Variants in DOCK3 observed in about 807,000 individuals in gnomAD.
The protein encoded by DOCK3 is dedicator of cytokinesis 3, also known as dedicator of cytokinesis protein 3.
In DOCK3, 60 loss-of-function variants were observed where a neutral mutation model predicts 265.6. The ratio of observed to expected loss-of-function variants is 0.23; its 90% CI spans 0.18 to 0.28. The LOEUF (loss-of-function observed/expected upper bound fraction) is 0.28. Ranked by LOEUF, DOCK3 falls within the 10% of genes least tolerant of loss-of-function variation. The pLI is 1.00. For synonymous variants in DOCK3, 881 were observed against 938.0 expected, an observed-to-expected ratio of 0.94 and a Z score of 1.11; for missense variants, 1,981 against 2,594.3, an observed-to-expected ratio of 0.76 and a Z score of 5.14.
intron 9 of DOCK3, among the ~76,000 whole-genome samples, chr3:51,097,440 G>T (rs1185966483): frequency 6.6e-6 from 1 of 152,186 alleles, no homozygotes; most frequent in Non-Finnish European, 1.5e-5. Context: ...CTCAGTAATG[G>T]TGGCTGGCCC....
chr3:51,007,368 T>A (rs2078724159), intron 5 of DOCK3, among the ~76,000 whole-genome samples: 2 of 152,256 alleles, frequency 1.3e-5, no homozygotes, highest in South Asian at 4.1e-4. Flanking sequence ...ATTTCTCTGA[T>A]GGCCAGTGAT....
At chr3:51,329,772 G>A (rs949115821) in intron 32 of DOCK3, among the ~76,000 whole-genome samples, 2 of 152,090 alleles carry the variant, frequency 1.3e-5, no homozygotes. Context: ...TGTATTTTAC[G>A]CATACAAATT....
At chr3:50,713,718 C>T (rs17659990) in intron 1 of DOCK3, among the ~76,000 whole-genome samples, 3,237 of 151,746 alleles carry the variant, frequency 0.021, 50 homozygotes, top group Middle Eastern at 0.051. Context: ...TACTAGATTT[C>T]GCCATTTGGA....
chr3:51,281,274 A>AATAT (rs56084027), intron 27 of DOCK3, among the ~76,000 whole-genome samples: 4,074 of 125,516 alleles, frequency 0.032, 66 homozygotes, highest in Non-Finnish European at 0.044. Flanking sequence ...GATGAGCTAA[A>AATAT]ATATATATAT....
chr3:50,987,497 T>G (rs2077945419), intron 5 of DOCK3, among the ~76,000 whole-genome samples: 1 of 152,220 alleles, frequency 6.6e-6, no homozygotes, highest in South Asian at 2.1e-4. Context: ...TTACTTTTTA[T>G]TACTTACTAT....
At chr3:51,067,806 C>A in intron 6 of DOCK3, among the ~76,000 whole-genome samples, 1 of 152,304 alleles carries the variant, frequency 6.6e-6, no homozygotes, top group East Asian at 1.9e-4. Context: ...TCTTTTAAAA[C>A]TTTTCTTCCT....
chr3:50,982,651 G>T lies in DOCK3; in HGVS notation c.315+48574G>T, dbSNP rs1389851877. 2.0e-5 allele frequency among the ~76,000 whole-genome samples: 3 copies of T among 152,236 alleles called. No homozygotes were observed. The East Asian group carries it at 5.8e-4, about 29-fold the overall frequency. On this transcript the variant is annotated intron_variant, in intron 5 of 52. Coordinates refer to ENST00000266037, the MANE Select transcript of DOCK3 (RefSeq NM_004947.5). Reference sequence around the variant, plus strand: ...GGAGGTGGAGCTGGGCCTGGGCAGTGCTAGGCTCCACGGAGCCAGCGGGAG... The same window carrying T: ...GGAGGTGGAGCTGGGCCTGGGCAGTTCTAGGCTCCACGGAGCCAGCGGGAG...
At chr3:50,694,303 A>T (rs886559870) in intron 1 of DOCK3, among the ~76,000 whole-genome samples, 1 of 152,118 alleles carries the variant, frequency 6.6e-6, no homozygotes, top group African/African-American at 2.4e-5. Context: ...AAATAAAAAG[A>T]ATGGTAAGAG....
intron 5 of DOCK3, among the ~76,000 whole-genome samples, chr3:50,953,004 A>G (rs959251268): frequency 6.6e-6 from 1 of 152,164 alleles, no homozygotes; most frequent in African/African-American, 2.4e-5. Flanking sequence ...TGTGACTCTT[A>G]TCTTCCTTAG....
chr3:50,821,717 G>C (rs2044443898), intron 2 of DOCK3, among the ~76,000 whole-genome samples: 1 of 152,160 alleles, frequency 6.6e-6, no homozygotes, highest in African/African-American at 2.4e-5. Context: ...ATATGGCTAG[G>C]CTAACCATTC....
chr3:51,311,816 GA>G (rs2083079452), intron 28 of DOCK3, among the ~76,000 whole-genome samples, 187 bp from the exon 29 acceptor site: 2 of 152,196 alleles, frequency 1.3e-5, no homozygotes, highest in Admixed American at 1.3e-4. Context: ...ATTTCTCCAA[GA>G]CTGGTTTTCT....
At chr3:51,163,781 T>C (rs2086248985) in intron 12 of DOCK3, among the ~76,000 whole-genome samples, 1 of 152,208 alleles carries the variant, frequency 6.6e-6, no homozygotes, top group African/African-American at 2.4e-5. Flanking sequence ...GAATATTAAA[T>C]TTTTAATTTG....
intron 5 of DOCK3, among the ~76,000 whole-genome samples, chr3:51,061,453 A>G (rs1034533176): frequency 6.6e-6 from 1 of 152,044 alleles, no homozygotes; most frequent in East Asian, 1.9e-4. Flanking sequence ...TCAGCAAACT[A>G]TTGCAAGGAC....
At chr3:51,220,932 GTATC>G (rs2090068650) in intron 14 of DOCK3, among the ~76,000 whole-genome samples, 1 of 151,814 alleles carries the variant, frequency 6.6e-6, no homozygotes, top group South Asian at 2.1e-4. Flanking sequence ...TAGTACTGGA[GTATC>G]TGGCAAGAGA....
rs372989632 is a variant in DOCK3 at position 51,374,965 on chromosome 3, A to G, written c.5412+378A>G. The stretch of plus-strand genomic sequence containing the variant: ...GGTCTGGAAGATGTTCTTCCTCCCT[A>G]TTTGTGGGGCATCCTCACTGGAACA... On this transcript the variant is annotated intron_variant, in intron 50 of 52. Coordinates refer to ENST00000266037, the MANE Select transcript of DOCK3 (RefSeq NM_004947.5). The surrounding 1 kb of genome is among the most constrained non-coding windows in gnomAD (Gnocchi z 4.8). Among the ~76,000 whole-genome samples, 1 of 152,110 alleles carries G rather than the reference A, an allele frequency of 6.6e-6. No homozygotes were observed. Among genetic ancestry groups the G allele is most frequent in the Non-Finnish European group, 1.5e-5 (1 of 68,008 alleles).
At chr3:51,335,992 A>T (rs2084837807) in intron 35 of DOCK3, among the ~76,000 whole-genome samples, 1 of 142,194 alleles carries the variant, frequency 7.0e-6, no homozygotes, top group Non-Finnish European at 1.5e-5. Flanking sequence ...ACCCTGTCTC[A>T]AAAAAAAAAA....
intron 5 of DOCK3, among the ~76,000 whole-genome samples, chr3:50,943,855 A>G (rs1006535973): frequency 6.6e-6 from 1 of 152,146 alleles, no homozygotes; most frequent in Non-Finnish European, 1.5e-5. Flanking sequence ...ATCTGGGTCT[A>G]TCCACTTCTA....
At chr3:50,985,433 C>A (rs548562636) in intron 5 of DOCK3, among the ~76,000 whole-genome samples, 1 of 152,254 alleles carries the variant, frequency 6.6e-6, no homozygotes, top group South Asian at 2.1e-4. Context: ...TGTATCCTCA[C>A]ATTAAATATT....
chr3:50,727,871 T>G (rs545160693), intron 1 of DOCK3, among the ~76,000 whole-genome samples: 5 of 152,292 alleles, frequency 3.3e-5, no homozygotes, highest in African/African-American at 9.6e-5. Flanking sequence ...AGCTGGAGAT[T>G]TTAACATCCG....
Sources: allele counts gnomAD v4.1 joint callset (sites outside exome capture counted in the v4.1 genomes callset), GRCh38; gene constraint gnomAD v4.1.1; non-coding constraint Gnocchi (gnomAD v3.1); transcripts MANE v1.5; gene names NCBI Gene and HGNC (gene_info 2026-07-23, HGNC 2026-07-21).